The following RANBP17 variants were observed in gnomAD, a reference collection of about 807,000 sequenced individuals.
RANBP17 encodes the protein RAN binding protein 17, also known as ran-binding protein 17.
RANBP17 carries 158 observed loss-of-function variants against 141.2 expected under a neutral mutation model. The observed-to-expected ratio is 1.12, with a 90% CI of 0.98 to 1.28. RANBP17 has a LOEUF of 1.28. Ranked by LOEUF, RANBP17 falls within the 50% of genes most tolerant of loss-of-function variation. RANBP17 has a pLI of 0.00. For missense variants in RANBP17, 1,438 were observed against 1,290.7 expected, an observed-to-expected ratio of 1.11 and a Z score of -1.75; for synonymous variants, 430 against 450.0, an observed-to-expected ratio of 0.96 and a Z score of 0.56.
chr5:171,035,719 CTG>C (rs1448569988), intron 14 of RANBP17, among the ~76,000 whole-genome samples: 15 of 131,084 alleles, frequency 1.1e-4, no homozygotes, highest in African/African-American at 3.8e-4. Flanking sequence ...ATTGTTTGCA[CTG>C]TTTGTTTCTT....
intron 14 of RANBP17, among the ~76,000 whole-genome samples, chr5:170,973,292 A>G (rs960852657): frequency 6.6e-6 from 1 of 152,212 alleles, no homozygotes; most frequent in Non-Finnish European, 1.5e-5. Flanking sequence ...GGTTATCTGT[A>G]TGTGAAAATT....
chr5:171,112,930 A>G (rs113706239), intron 14 of RANBP17, among the ~76,000 whole-genome samples: 3,480 of 152,282 alleles, frequency 0.023, 145 homozygotes, highest in African/African-American at 0.08. Context: ...TATTAGCTCT[A>G]TGCCCACAAG....
intron 22 of RANBP17, among the ~76,000 whole-genome samples, chr5:171,226,836 T>C (rs977981921): frequency 2.0e-5 from 3 of 152,246 alleles, no homozygotes; most frequent in Admixed American, 1.3e-4. Flanking sequence ...AAGATTAAGA[T>C]TGTATACAGG....
chr5:171,117,819 T>C (rs1755743942), intron 14 of RANBP17, among the ~76,000 whole-genome samples: 1 of 141,342 alleles, frequency 7.1e-6, no homozygotes, highest in African/African-American at 2.6e-5. Flanking sequence ...AATTGGATTA[T>C]ATGTGGGGTT....
At chr5:170,900,940 A>G (rs138415442) in intron 5 of RANBP17, among the ~76,000 whole-genome samples, 2,517 of 152,236 alleles carry the variant, frequency 0.017, 28 homozygotes, top group Middle Eastern at 0.031. Flanking sequence ...TTATGTGTCA[A>G]TTTTAGAATA....
At chr5:170,950,896 A>G (rs1775159457) in intron 12 of RANBP17, among the ~76,000 whole-genome samples, 1 of 152,142 alleles carries the variant, frequency 6.6e-6, no homozygotes, top group Non-Finnish European at 1.5e-5. Context: ...GTTAGGCCAT[A>G]AGAAAGAATG....
intron 14 of RANBP17, among the ~76,000 whole-genome samples, chr5:171,099,173 G>A (rs1786931790): frequency 6.6e-6 from 1 of 152,128 alleles, no homozygotes; most frequent in East Asian, 1.9e-4. Flanking sequence ...AGTTTGATGG[G>A]AATAACATTG....
intron 14 of RANBP17, among the ~76,000 whole-genome samples, chr5:171,110,588 A>C (rs964230533): frequency 5.3e-5 from 8 of 152,178 alleles, no homozygotes; most frequent in Non-Finnish European, 1.0e-4. Flanking sequence ...ACCAAAAGAC[A>C]GATTACCAAG....
At chr5:171,269,365 C>T (rs1316026842) in intron 25 of RANBP17, among the ~76,000 whole-genome samples, 1 of 152,186 alleles carries the variant, frequency 6.6e-6, no homozygotes, top group Non-Finnish European at 1.5e-5. Context: ...CAATTCCACC[C>T]GCTCTCTGCT....
intron 18 of RANBP17, among the ~76,000 whole-genome samples, chr5:171,184,736 G>A (rs1448381363): frequency 6.6e-6 from 1 of 152,122 alleles, no homozygotes; most frequent in Non-Finnish European, 1.5e-5. Flanking sequence ...AGACCATCAT[G>A]ATAAAGTGAT....
intron 23 of RANBP17, 122 bp downstream of exon 23, chr5:171,241,264 A>T: frequency 1.4e-6 from 1 of 691,286 alleles, no homozygotes; most frequent in Non-Finnish European, 2.3e-6. Flanking sequence ...TTAAGACAGC[A>T]TACTTGATCT....
At chr5:170,938,662 A>G (rs1028030715) in intron 12 of RANBP17, among the ~76,000 whole-genome samples, 1 of 152,160 alleles carries the variant, frequency 6.6e-6, no homozygotes, top group Non-Finnish European at 1.5e-5. Context: ...TTTATTGAAA[A>G]CTTTGTGATC....
chr5:171,042,971 C>T (rs1380620690), intron 14 of RANBP17, among the ~76,000 whole-genome samples: 1 of 151,920 alleles, frequency 6.6e-6, no homozygotes, highest in Non-Finnish European at 1.5e-5. Context: ...TTAGTGGGCA[C>T]AAAAGTGGAT....
At chr5:171,136,535 T>C (rs1215939727) in intron 14 of RANBP17, among the ~76,000 whole-genome samples, 1 of 152,150 alleles carries the variant, frequency 6.6e-6, no homozygotes, top group East Asian at 1.9e-4. Flanking sequence ...TTCAGGACTT[T>C]TAGCAGCAAA....
intron 14 of RANBP17, among the ~76,000 whole-genome samples, chr5:171,144,088 C>G (rs944262277): frequency 6.6e-6 from 1 of 152,114 alleles, no homozygotes; most frequent in African/African-American, 2.4e-5. Context: ...GCCGTCTGGG[C>G]GTGGTGGCTC....
chr5:170,936,300 C>G (rs762930526), intron 12 of RANBP17, among the ~76,000 whole-genome samples: 8 of 152,150 alleles, frequency 5.3e-5, no homozygotes, highest in Non-Finnish European at 1.2e-4. Flanking sequence ...TTGGCAAGCC[C>G]TAGTGAGATG....
chr5:171,282,033 G>A (rs1767890939), intron 25 of RANBP17, among the ~76,000 whole-genome samples: 1 of 152,176 alleles, frequency 6.6e-6, no homozygotes, highest in South Asian at 2.1e-4. Context: ...GAGAATGGAA[G>A]GGCTGGCTTA....
rs921671796 is a variant in RANBP17, at chr5:171,205,874, TGTTG to T, written c.2231+264_2231+267del. 11 of 528,808 alleles carry T rather than the reference TGTTG, an allele frequency of 2.1e-5. No homozygotes were observed. In the African/African-American group the frequency reaches 2.1e-4, roughly 10 times the overall value. 32.8% of individuals were successfully genotyped at this position (528,808 alleles called of 1,614,324 possible). A position where few individuals can be genotyped will look rare whatever the true frequency, so the allele number is the denominator to read the frequency against. On this transcript the variant is annotated intron_variant, in intron 20 of 27. Transcript: ENST00000523189. ...ATGACTTCCCCCAAATGATTGTTTA[TGTTG>T]GAGTTGAAGGGATAATCTGGCTAAC... is the stretch of plus-strand genomic sequence containing the variant.
chr5:171,281,191 G>A (rs1767839162), intron 25 of RANBP17, among the ~76,000 whole-genome samples: 1 of 152,166 alleles, frequency 6.6e-6, no homozygotes, highest in Non-Finnish European at 1.5e-5. Context: ...CCATGGAAAA[G>A]GAGAACATTT....
Sources: gnomAD v4.1 joint callset for allele counts (sites outside exome capture counted in the v4.1 genomes callset) on GRCh38, gnomAD v4.1.1 for gene constraint, MANE v1.5 for transcripts, NCBI Gene and HGNC (gene_info 2026-07-23, HGNC 2026-07-21) for gene names.